GNB5: variants seen among roughly 807,000 people sequenced by gnomAD.
The protein encoded by GNB5 is guanine nucleotide-binding protein subunit beta-5.
Under a neutral mutation model 55.3 loss-of-function variants are expected in GNB5, and 37 were observed. The observed-to-expected ratio is 0.67, with a 90% confidence interval of 0.51 to 0.88. GNB5 has a LOEUF of 0.88. GNB5 is among the 40% of genes least tolerant of loss of function. The pLI is 0.00. For synonymous variants in GNB5, 219 were observed against 198.5 expected (o/e 1.10, Z -0.87); for missense variants, 476 against 515.3 (o/e 0.92, Z 0.74).
At chr15:52,171,961 C>T (rs2034561954) in intron 3 of GNB5, among the ~76,000 whole-genome samples, 1 of 152,172 alleles carries the variant, frequency 6.6e-6, no homozygotes, top group East Asian at 1.9e-4. Flanking sequence ...CCTCAAGGAC[C>T]TGGGAATTGG....
At chr15:52,152,691 C>A (rs1346528792) in intron 4 of GNB5, among the ~76,000 whole-genome samples, 1 of 150,528 alleles carries the variant, frequency 6.6e-6, no homozygotes, top group Non-Finnish European at 1.5e-5. Context: ...AGTGCAATGG[C>A]ATAATCTCAG....
intron 3 of GNB5, among the ~76,000 whole-genome samples, chr15:52,165,703 C>T (rs1324743857): frequency 6.6e-6 from 1 of 151,640 alleles, no homozygotes; most frequent in Admixed American, 6.6e-5. Flanking sequence ...AAGGAAGCAC[C>T]AAATATAGAA....
At position 52,153,946 on chromosome 15, in the gene GNB5, C is replaced by G. The variant is rs763851540; in HGVS notation, c.369G>C (p.Ser123=). Residue 123 remains serine (S), a synonymous_variant, in exon 4 of 13, where the codon TCG becomes TCC. Transcript: ENST00000261837. ...WCKDKRRIVS[S]SQDGKVIVWD... ...TGCAGCAGGTGTGACATACCTGTGACGAGCTCACGATCCTCCTCTTATCTT... is the reference window on the plus strand; with the variant it reads ...TGCAGCAGGTGTGACATACCTGTGAGGAGCTCACGATCCTCCTCTTATCTT... 1.9e-5 allele frequency: 31 copies of G among 1,611,676 alleles called. No individual in the cohort carries two copies. The highest frequency in any genetic ancestry group is 2.6e-5 in the Non-Finnish European group (31 of 1,178,344).
intron 12 of GNB5, among the ~76,000 whole-genome samples, chr15:52,124,005 CAAAAAA>C (rs56008657): frequency 5.9e-5 from 5 of 84,406 alleles, no homozygotes; most frequent in African/African-American, 1.3e-4. Flanking sequence ...ATAGAAAAAC[CAAAAAA>C]AAAAAAAAAA....
chr15:52,137,132 C>A, intron 7 of GNB5: 1 of 694,872 alleles, frequency 1.4e-6, no homozygotes, highest in Non-Finnish European at 2.0e-6. Context: ...CCTCCATTTT[C>A]AGAACCTACT....
intron 8 of GNB5, among the ~76,000 whole-genome samples, chr15:52,134,338 T>A (rs1381029368): frequency 6.6e-6 from 1 of 152,184 alleles, no homozygotes; most frequent in Non-Finnish European, 1.5e-5. Flanking sequence ...AGTTGTTGGT[T>A]TCAACTTGGA....
intron 6 of GNB5, among the ~76,000 whole-genome samples, chr15:52,141,872 A>G (rs895070251): frequency 3.9e-5 from 6 of 152,252 alleles, no homozygotes; most frequent in Admixed American, 1.3e-4. Context: ...GCCATATTCA[A>G]TCTTCCCTGA....
At chr15:52,188,749 T>A (rs1161838748) in intron 1 of GNB5, among the ~76,000 whole-genome samples, 1 of 152,216 alleles carries the variant, frequency 6.6e-6, no homozygotes, top group East Asian at 1.9e-4. Context: ...GATATCTGTT[T>A]TACCTAAATA....
At chr15:52,179,262 G>T (rs1343825938) in intron 3 of GNB5, among the ~76,000 whole-genome samples, 3 of 152,160 alleles carry the variant, frequency 2.0e-5, no homozygotes, top group African/African-American at 2.4e-5. Context: ...AAGGATAGGG[G>T]AGAGGTTGGA....
chr15:52,155,017 T>A (rs891804739), intron 3 of GNB5, among the ~76,000 whole-genome samples: 1 of 152,208 alleles, frequency 6.6e-6, no homozygotes, highest in Non-Finnish European at 1.5e-5. Context: ...AAAGACCAGC[T>A]GGTCCAGGCC....
chr15:52,184,371 C>T (rs2034815265), intron 2 of GNB5, among the ~76,000 whole-genome samples, 180 bp downstream of exon 2: 1 of 152,134 alleles, frequency 6.6e-6, no homozygotes, highest in Non-Finnish European at 1.5e-5. Flanking sequence ...AGGATTTGGA[C>T]CCAGGCAGTC....
intron 1 of GNB5, among the ~76,000 whole-genome samples, chr15:52,187,611 A>AT (rs2034863794): frequency 6.6e-6 from 1 of 152,140 alleles, no homozygotes; most frequent in Admixed American, 6.5e-5. Flanking sequence ...TAAATTTTGA[A>AT]TTTTTTCAAA....
At chr15:52,183,990 T>C (rs2034810256) in intron 2 of GNB5, among the ~76,000 whole-genome samples, 1 of 152,214 alleles carries the variant, frequency 6.6e-6, no homozygotes, top group Non-Finnish European at 1.5e-5. Context: ...TGAATTTTGC[T>C]CACTACTGAG....
At chr15:52,126,527 C>T (rs1596053172) in intron 10 of GNB5, among the ~76,000 whole-genome samples, 1 of 152,072 alleles carries the variant, frequency 6.6e-6, no homozygotes, top group East Asian at 1.9e-4. Flanking sequence ...GGTTATACGT[C>T]CTTTCTCATA....
chr15:52,172,785 A>G (rs1241112311), intron 3 of GNB5, among the ~76,000 whole-genome samples: 1 of 152,076 alleles, frequency 6.6e-6, no homozygotes, highest in African/African-American at 2.4e-5. Context: ...AAATGTATAG[A>G]TGGGTATAAA....
At chr15:52,189,771 G>A (rs951675946) in intron 1 of GNB5, among the ~76,000 whole-genome samples, 2 of 152,096 alleles carry the variant, frequency 1.3e-5, no homozygotes, top group Admixed American at 1.3e-4. Context: ...GCTACAACAT[G>A]GTCAAACCTT....
intron 3 of GNB5, among the ~76,000 whole-genome samples, chr15:52,168,782 A>G (rs2141229767): frequency 6.6e-6 from 1 of 152,306 alleles, no homozygotes; most frequent in Middle Eastern, 3.4e-3. Context: ...ACACAGACCA[A>G]TGGAACCGAA....
chr15:52,181,123 CCT>C (rs1386576180), intron 2 of GNB5: 1 of 152,244 alleles, frequency 6.6e-6, no homozygotes, highest in Non-Finnish European at 1.5e-5. Flanking sequence ...GCTGTCCCCA[CCT>C]CTCTGTACCT....
intron 3 of GNB5, among the ~76,000 whole-genome samples, chr15:52,171,910 C>T (rs1478125405): frequency 2.0e-5 from 3 of 152,262 alleles, no homozygotes; most frequent in South Asian, 2.1e-4. Flanking sequence ...CTCAGAGAAA[C>T]GACATAAACT....
Sources: gnomAD v4.1 joint callset for allele counts (sites outside exome capture counted in the v4.1 genomes callset) on GRCh38, gnomAD v4.1.1 for gene constraint, MANE v1.5 for transcripts, NCBI Gene and HGNC (gene_info 2026-07-23, HGNC 2026-07-21) for gene names.